The following PLA2G4A variants were observed in gnomAD, a reference collection of about 807,000 sequenced individuals.
The protein encoded by PLA2G4A is cytosolic phospholipase A2.
A neutral mutation model predicts 81.9 loss-of-function variants in PLA2G4A; 40 were observed. The ratio of observed to expected loss-of-function variants is 0.49; its 90% CI spans 0.38 to 0.64. The LOEUF is 0.64. PLA2G4A is among the 30% of genes least tolerant of loss of function. PLA2G4A has a pLI of 0.00. For missense variants in PLA2G4A, 715 were observed against 905.1 expected, an observed-to-expected ratio of 0.79 and a Z score of 2.69; for synonymous variants, 302 against 296.9, an observed-to-expected ratio of 1.02 and a Z score of -0.18.
intron 17 of PLA2G4A, among the ~76,000 whole-genome samples, chr1:186,982,329 A>T (rs1657749028): frequency 6.6e-6 from 1 of 152,234 alleles, no homozygotes; most frequent in African/African-American, 2.4e-5. Context: ...ACTTTGAATA[A>T]GCTGCTTAAA....
chr1:186,886,007 T>C (rs16826055), intron 3 of PLA2G4A, among the ~76,000 whole-genome samples: 23,980 of 151,982 alleles, frequency 0.16, 2,455 homozygotes, highest in East Asian at 0.45. Context: ...GCCAATAAAA[T>C]ATATTGAAAA....
In PLA2G4A at chr1:186,940,060, T is replaced by C. The variant is rs1656094438; in HGVS notation, c.999T>C (p.His333=). The change falls in exon 10 of 18, where the codon CAT becomes CAC. Residue 333 remains histidine, a synonymous_variant. Coordinates refer to ENST00000367466, the MANE Select transcript of PLA2G4A (RefSeq NM_024420.3). The part of the protein sequence containing the change: ...QCPLPLFTCL[H]VKPDVSELMF... ...CTTTACCTCTTTTCACCTGTCTTCA[T>C]GTCAAACCTGACGTTTCAGAGCTGA... The C allele has an allele frequency of 6.2e-7, 1 of 1,607,776 alleles. No individual in the cohort carries two copies. Among genetic ancestry groups the C allele is most frequent in the South Asian group, 1.1e-5 (1 of 90,924 alleles).
Position 186,912,790 on chromosome 1 carries a change from A to ATG in PLA2G4A, c.558+1402_558+1403insGT, listed in dbSNP as rs1558430339. 3.4e-3 allele frequency among the ~76,000 whole-genome samples: 485 copies of ATG among 140,924 alleles called. 12 individuals carry two copies. The highest frequency in any genetic ancestry group is 0.013 in the African/African-American group (465 of 35,926). The allele number at this position is 140,924 out of a possible 152,430, so 92.5% of individuals were successfully genotyped here. A position where few individuals can be genotyped will look rare whatever the true frequency, so the allele number is the denominator to read the frequency against. On this transcript the variant is annotated intron_variant, in intron 7 of 17. Coordinates refer to ENST00000367466, the MANE Select transcript of PLA2G4A (RefSeq NM_024420.3). ...AGTATATATATATGTATACTTATAT[A>ATG]TATATGTATATATATATATACATAT...
In PLA2G4A at chr1:186,899,593, A is replaced by C. The variant is rs141235623; in HGVS notation, c.378+5382A>C. 1.8e-3 allele frequency among the ~76,000 whole-genome samples: 280 copies of C among 152,296 alleles called. 3 individuals are homozygous for C. The highest frequency in any genetic ancestry group is 6.5e-3 in the African/African-American group (270 of 41,572). ...ATCCATTCATGAAGGAAGAAGAGGT[A>C]CACTGGGATGAGACTATGGCAGAGC... On this transcript the variant is annotated intron_variant, in intron 5 of 17. Coordinates refer to ENST00000367466, the MANE Select transcript of PLA2G4A (RefSeq NM_024420.3).
At chr1:186,962,773 G>A (rs1021457365) in intron 14 of PLA2G4A, among the ~76,000 whole-genome samples, 1 of 152,088 alleles carries the variant, frequency 6.6e-6, no homozygotes, top group Non-Finnish European at 1.5e-5. Flanking sequence ...ACCCGCCTCG[G>A]CCTCCCAAAG....
intron 3 of PLA2G4A, among the ~76,000 whole-genome samples, chr1:186,877,480 A>G (rs1340049434): frequency 6.6e-6 from 1 of 152,002 alleles, no homozygotes; most frequent in Non-Finnish European, 1.5e-5. Context: ...GAGACAAGAA[A>G]TGTCCATTAT....
chr1:186,867,759 T>C (rs1485054881), intron 2 of PLA2G4A, among the ~76,000 whole-genome samples: 6 of 152,184 alleles, frequency 3.9e-5, no homozygotes, highest in Non-Finnish European at 1.5e-5. Context: ...ACAGGGAAAC[T>C]CCTTGCCTTG....
At chr1:186,905,026 T>G (rs1009977410) in intron 5 of PLA2G4A, among the ~76,000 whole-genome samples, 2 of 152,138 alleles carry the variant, frequency 1.3e-5, no homozygotes, top group African/African-American at 4.8e-5. Context: ...GGATAATTTT[T>G]GTATTTTTAG....
At chr1:186,917,439 G>C (rs1655180750) in intron 7 of PLA2G4A, among the ~76,000 whole-genome samples, 1 of 152,044 alleles carries the variant, frequency 6.6e-6, no homozygotes, top group African/African-American at 2.4e-5. Flanking sequence ...CCATAGGAAG[G>C]GCCTGTATCC....
At chr1:186,944,509 T>A (rs1440346903) in intron 10 of PLA2G4A, among the ~76,000 whole-genome samples, 1 of 152,212 alleles carries the variant, frequency 6.6e-6, no homozygotes, top group Non-Finnish European at 1.5e-5. Flanking sequence ...TAACAGCCTC[T>A]GATTCATTGC....
intron 7 of PLA2G4A, among the ~76,000 whole-genome samples, chr1:186,929,167 A>T (rs554526794): frequency 5.8e-4 from 88 of 152,366 alleles, no homozygotes; most frequent in African/African-American, 2.0e-3. Context: ...CTGAGCAATG[A>T]TAAAGGAAAG....
chr1:186,947,793 A>G (rs1656396561), intron 12 of PLA2G4A, among the ~76,000 whole-genome samples: 1 of 152,158 alleles, frequency 6.6e-6, no homozygotes, highest in African/African-American at 2.4e-5. Context: ...CTATCAACAC[A>G]ACTACCTACT....
At chr1:186,927,075 T>C (rs1221848840) in intron 7 of PLA2G4A, among the ~76,000 whole-genome samples, 2 of 152,218 alleles carry the variant, frequency 1.3e-5, no homozygotes, top group African/African-American at 4.8e-5. Flanking sequence ...TAGATAGAAA[T>C]CTTTCTGAAA....
rs1009336041 is a variant in PLA2G4A at position 186,935,434 on chromosome 1, G to C, written c.695+2535G>C. 3.3e-5 allele frequency among the ~76,000 whole-genome samples: 5 copies of C among 150,500 alleles called. No individual in the cohort carries two copies. In the South Asian group the frequency reaches 6.3e-4, roughly 19 times the overall value. ...TTTTTTTTTTTTTCAGAATTTAAGA[G>C]AGTTGAGCATTTTCTAGATGTCTGA... On this transcript the variant is annotated intron_variant, in intron 8 of 17. Transcript: ENST00000367466.
Position 186,946,077 on chromosome 1 carries a change from C to T in PLA2G4A, c.1034-560C>T, listed in dbSNP as rs1249023259. On this transcript the variant is annotated intron_variant, in intron 10 of 17. Coordinates refer to ENST00000367466, the MANE Select transcript of PLA2G4A (RefSeq NM_024420.3). The stretch of plus-strand genomic sequence containing the variant: ...CCCAGACAGTCCAGCTCCAGAGCCC[C>T]CGCGCTTAGACAGTATACATCTCTG... Among the ~76,000 whole-genome samples the T allele has an allele frequency of 2.6e-5, 4 of 152,118 alleles. No homozygotes were observed. In the East Asian group the frequency reaches 7.7e-4, roughly 29 times the overall value.
intron 1 of PLA2G4A, among the ~76,000 whole-genome samples, chr1:186,850,520 A>AGGT (rs60097467): frequency 6.6e-6 from 1 of 151,524 alleles, no homozygotes; most frequent in Non-Finnish European, 1.5e-5. Context: ...ACAAGGTAAG[A>AGGT]AGTCTTATAT....
intron 8 of PLA2G4A, 151 bp downstream of exon 8, chr1:186,933,050 A>G (rs1217360029): frequency 1.8e-5 from 12 of 672,664 alleles, no homozygotes; most frequent in Non-Finnish European, 3.1e-5. Context: ...CTGCTTTAAA[A>G]GATTTTTTAA....
At position 186,986,198 on chromosome 1, in the gene PLA2G4A, C is replaced by T. The variant is rs566216999; in HGVS notation, c.2119-2179C>T. On this transcript the variant is annotated intron_variant, in intron 17 of 17. Coordinates refer to ENST00000367466, the MANE Select transcript of PLA2G4A (RefSeq NM_024420.3). ...AGGAACACCAGCTGAGGTCCAATTA[C>T]GATAAATCCACTAGTTCCTGATGTT... 3.1e-4 allele frequency among the ~76,000 whole-genome samples: 47 copies of T among 152,254 alleles called. No homozygotes were observed. In the South Asian group the frequency reaches 8.3e-3, roughly 27 times the overall value.
At chr1:186,942,202 C>T (rs1373341369) in intron 10 of PLA2G4A, among the ~76,000 whole-genome samples, 2 of 152,122 alleles carry the variant, frequency 1.3e-5, no homozygotes. Context: ...AGAGTTGAGA[C>T]TTTATTACAT....
Sources: allele counts gnomAD v4.1 joint callset (sites outside exome capture counted in the v4.1 genomes callset), GRCh38; gene constraint gnomAD v4.1.1; transcripts MANE v1.5; gene names NCBI Gene and HGNC (gene_info 2026-07-23, HGNC 2026-07-21).